The following RHEB variants were observed in gnomAD, a reference collection of about 807,000 sequenced individuals.
RHEB encodes Ras homolog, mTORC1 binding, also known as GTP-binding protein Rheb.
In RHEB, 2 loss-of-function variants were observed where a neutral mutation model predicts 28.8. That is an observed-to-expected ratio of 0.07 (90% confidence interval 0.03 to 0.22). The LOEUF (loss-of-function observed/expected upper bound fraction) is 0.22. RHEB is among the 10% of genes least tolerant of loss of function. The pLI, the probability that RHEB is intolerant of heterozygous loss-of-function variation, is 1.00. For synonymous variants in RHEB, 69 were observed against 77.3 expected, an observed-to-expected ratio of 0.89 and a Z score of 0.56; for missense variants, 76 against 219.9, an observed-to-expected ratio of 0.35 and a Z score of 4.14.
chr7:151,509,307 T>C (rs144079066), intron 1 of RHEB, among the ~76,000 whole-genome samples: 47 of 152,278 alleles, frequency 3.1e-4, no homozygotes, highest in South Asian at 8.3e-4. Context: ...TTCGGGACCA[T>C]GGGAACTGTG....
chr7:151,502,460 C>A, intron 1 of RHEB: 3 of 842,294 alleles, frequency 3.6e-6, no homozygotes, highest in South Asian at 2.7e-5. Flanking sequence ...TCCAGATGGT[C>A]TGGTTGTTTA....
chr7:151,502,949 A>G, intron 1 of RHEB: 1 of 786,104 alleles, frequency 1.3e-6, no homozygotes, highest in Non-Finnish European at 2.4e-6. Flanking sequence ...AAATGGATTC[A>G]ATCAAGCTAC....
intron 3 of RHEB, among the ~76,000 whole-genome samples, chr7:151,477,866 A>C (rs1802298992): frequency 6.6e-6 from 1 of 152,206 alleles, no homozygotes; most frequent in East Asian, 1.9e-4. Context: ...CAATGACCTG[A>C]GCTTCAGTCT....
chr7:151,477,478 A>C, intron 3 of RHEB, 63 bp from the exon 4 acceptor site: 1 of 912,248 alleles, frequency 1.1e-6, no homozygotes, highest in South Asian at 1.5e-5. Context: ...AACTTTACCC[A>C]AAGTTTTTCA....
intron 4 of RHEB, among the ~76,000 whole-genome samples, chr7:151,476,979 C>T (rs899343686): frequency 2.0e-5 from 3 of 152,100 alleles, no homozygotes; most frequent in African/African-American, 7.2e-5. Context: ...AAACCCAAAC[C>T]CCCACATTTT....
chr7:151,479,769 A>C (rs1466390396), intron 3 of RHEB, among the ~76,000 whole-genome samples: 2 of 152,210 alleles, frequency 1.3e-5, no homozygotes, highest in African/African-American at 2.4e-5. Flanking sequence ...AAAAACCATA[A>C]ATAAAAGACA....
chr7:151,490,812 A>G, intron 2 of RHEB, 131 bp downstream of exon 2: 1 of 757,922 alleles, frequency 1.3e-6, no homozygotes, highest in Non-Finnish European at 2.4e-6. Flanking sequence ...ATCTTTTGCA[A>G]GTTTTCTTTG....
chr7:151,467,218 A>C lies in RHEB; in HGVS notation c.463-7T>G. ...GAAAAACATCCACAGCAGTCTGAAA[A>C]GAGAAAGAAACCCAATCACAGTGTT... On this transcript the variant is annotated splice_region_variant and splice_polypyrimidine_tract_variant and intron_variant, in intron 7 of 7. Coordinates refer to ENST00000262187, the MANE Select transcript of RHEB (RefSeq NM_005614.4). 6.2e-7 allele frequency: 1 copy of C among 1,602,618 alleles called. No individual in the cohort carries two copies. The highest frequency in any genetic ancestry group is 8.5e-7 in the Non-Finnish European group (1 of 1,169,598).
Position 151,490,739 on chromosome 7 carries a change from T to C in RHEB, c.124+204A>G, listed in dbSNP as rs532875051. On this transcript the variant is annotated intron_variant, in intron 2 of 7. Coordinates refer to ENST00000262187, the MANE Select transcript of RHEB (RefSeq NM_005614.4). ...CCAGACTCCTACTGACTTGAATTAATAATTTCTAGATGGCAGGGGATGCAG... is the reference window on the plus strand; with the variant it reads ...CCAGACTCCTACTGACTTGAATTAACAATTTCTAGATGGCAGGGGATGCAG... Among the ~76,000 whole-genome samples the C allele has an allele frequency of 1.9e-4, 29 of 152,308 alleles. No individual in the cohort carries two copies. In the South Asian group the frequency reaches 4.8e-3, roughly 25 times the overall value.
rs1803154258 is a variant in RHEB at position 151,519,846 on chromosome 7, G to A, written c.-335C>T. On this transcript the variant is annotated 5_prime_UTR_variant, in exon 1 of 8. Coordinates refer to ENST00000262187, the MANE Select transcript of RHEB (RefSeq NM_005614.4). Reference sequence around the variant, plus strand: ...TAAAGGCAAAAAAAGGGGACGCCGCGATGCCCCCAGAAAAGTCACGACTGA... The same window carrying A: ...TAAAGGCAAAAAAAGGGGACGCCGCAATGCCCCCAGAAAAGTCACGACTGA... 4.5e-6 allele frequency: 1 copy of A among 221,328 alleles called. No individual in the cohort carries two copies. The highest frequency in any genetic ancestry group is 8.9e-6 in the Non-Finnish European group (1 of 112,614). 13.7% of individuals were successfully genotyped at this position (221,328 alleles called of 1,614,324 possible). A position where few individuals can be genotyped will look rare whatever the true frequency, so the allele number is the denominator to read the frequency against.
chr7:151,484,577 T>G (rs1212030805), intron 3 of RHEB, among the ~76,000 whole-genome samples, 160 bp downstream of exon 3: 2 of 152,160 alleles, frequency 1.3e-5, no homozygotes, highest in Non-Finnish European at 2.9e-5. Context: ...TGAGAAATTG[T>G]TAAGTCGAGC....
At chr7:151,510,887 G>T (rs77384153) in intron 1 of RHEB, among the ~76,000 whole-genome samples, 1 of 152,002 alleles carries the variant, frequency 6.6e-6, no homozygotes, top group Non-Finnish European at 1.5e-5. Context: ...GAGACCAGTC[G>T]AGGCAACAAG....
rs1802799024 is a variant in RHEB at position 151,502,959 on chromosome 7, CTGAGT to C, written c.53-11950_53-11946del. 18 of 783,964 alleles carry C rather than the reference CTGAGT, an allele frequency of 2.3e-5. No individual in the cohort carries two copies. The East Asian group carries it at 4.1e-4, about 18-fold the overall frequency. 48.6% of individuals were successfully genotyped at this position (783,964 alleles called of 1,614,324 possible). A position where few individuals can be genotyped will look rare whatever the true frequency, so the allele number is the denominator to read the frequency against. ...GGTGAAAATGGATTCAATCAAGCTA[CTGAGT>C]TATCTACTGAAGTCCTCTCCGAAGT... is the stretch of plus-strand genomic sequence containing the variant. On this transcript the variant is annotated intron_variant, in intron 1 of 7. Coordinates refer to ENST00000262187, the MANE Select transcript of RHEB (RefSeq NM_005614.4).
chr7:151,482,556 T>G (rs1293721594), intron 3 of RHEB, among the ~76,000 whole-genome samples: 2 of 152,252 alleles, frequency 1.3e-5, no homozygotes, highest in Non-Finnish European at 2.9e-5. Context: ...TAACATTACA[T>G]GAAAGTGATT....
intron 4 of RHEB, 59 bp downstream of exon 4, chr7:151,477,274 A>G: frequency 6.1e-6 from 6 of 981,598 alleles, no homozygotes; most frequent in Non-Finnish European, 9.7e-6. Flanking sequence ...CAGTCCCTTA[A>G]AAGGATCAAT....
chr7:151,479,467 G>A (rs772974616), intron 3 of RHEB, among the ~76,000 whole-genome samples: 7 of 152,166 alleles, frequency 4.6e-5, no homozygotes, highest in African/African-American at 1.4e-4. Context: ...CAGATCACAA[G>A]GTCAGGAGAT....
At chr7:151,493,831 GTAACAAAAA>G (rs1215179411) in intron 1 of RHEB, among the ~76,000 whole-genome samples, 1 of 151,510 alleles carries the variant, frequency 6.6e-6, no homozygotes, top group Non-Finnish European at 1.5e-5. Flanking sequence ...ACTACTTCAG[GTAACAAAAA>G]TAGCAAGAAG....
chr7:151,484,973 C>T (rs1202102632), intron 2 of RHEB, among the ~76,000 whole-genome samples, 169 bp from the exon 3 acceptor site: 1 of 152,172 alleles, frequency 6.6e-6, no homozygotes, highest in African/African-American at 2.4e-5. Context: ...TCCCCTACTT[C>T]CATTATTTAG....
chr7:151,503,628 C>A (rs894470763), intron 1 of RHEB, among the ~76,000 whole-genome samples: 2 of 152,136 alleles, frequency 1.3e-5, no homozygotes, highest in African/African-American at 4.8e-5. Flanking sequence ...AGACCCAACC[C>A]CACACTTTGT....
Sources: allele counts gnomAD v4.1 joint callset (sites outside exome capture counted in the v4.1 genomes callset), GRCh38; gene constraint gnomAD v4.1.1; transcripts MANE v1.5; gene names NCBI Gene and HGNC (gene_info 2026-07-23, HGNC 2026-07-21).